The following NAALADL2 variants were observed in gnomAD, a reference collection of about 807,000 sequenced individuals.
NAALADL2 encodes the protein N-acetylated alpha-linked acidic dipeptidase like 2, also known as inactive N-acetylated-alpha-linked acidic dipeptidase-like protein 2.
NAALADL2 carries 76 observed loss-of-function variants against 87.2 expected under a neutral mutation model. That is an observed-to-expected ratio of 0.87 (90% CI 0.72 to 1.05). The LOEUF (loss-of-function observed/expected upper bound fraction) is 1.05, where lower values mean the gene tolerates loss of function less well. NAALADL2 is among the 50% of genes least tolerant of loss of function. NAALADL2 has a pLI of 0.00. For missense variants in NAALADL2, 1,089 were observed against 945.8 expected, an observed-to-expected ratio of 1.15 and a Z score of -1.99; for synonymous variants, 354 against 331.0, an observed-to-expected ratio of 1.07 and a Z score of -0.75.
At chr3:174,652,592 A>T (rs1486770668) in intron 2 of NAALADL2, among the ~76,000 whole-genome samples, 2 of 152,106 alleles carry the variant, frequency 1.3e-5, no homozygotes, top group Non-Finnish European at 2.9e-5. Context: ...CTATCACGAG[A>T]ACAGTATGGG....
intron 3 of NAALADL2, among the ~76,000 whole-genome samples, chr3:174,828,679 T>C (rs1051811733): frequency 2.0e-5 from 3 of 152,216 alleles, no homozygotes; most frequent in Admixed American, 6.5e-5. Context: ...AATAGCTGTT[T>C]TCTGGTTCCT....
At chr3:174,613,139 A>G (rs2108646159) in intron 2 of NAALADL2, among the ~76,000 whole-genome samples, 1 of 152,294 alleles carries the variant, frequency 6.6e-6, no homozygotes, top group South Asian at 2.1e-4. Context: ...CTCCCCATCA[A>G]ATGGAGCTTT....
At chr3:175,711,102 G>T (rs1253776237) in intron 11 of NAALADL2, among the ~76,000 whole-genome samples, 1 of 151,820 alleles carries the variant, frequency 6.6e-6, no homozygotes, top group Non-Finnish European at 1.5e-5. Flanking sequence ...GTGCTAAAAA[G>T]AAAATATTTC....
chr3:174,762,522 A>G (rs1268201175), intron 3 of NAALADL2, among the ~76,000 whole-genome samples: 2 of 151,642 alleles, frequency 1.3e-5, no homozygotes, highest in Non-Finnish European at 2.9e-5. Flanking sequence ...ATTCCATTAA[A>G]TTAGCTCCTT....
intron 10 of NAALADL2, among the ~76,000 whole-genome samples, chr3:175,610,726 T>C (rs1724517601): frequency 6.6e-6 from 1 of 152,140 alleles, no homozygotes; most frequent in Non-Finnish European, 1.5e-5. Flanking sequence ...TGAACATGTT[T>C]ATCAGTGTAT....
At chr3:175,192,390 G>C (rs989761465) in intron 2 of NAALADL2, among the ~76,000 whole-genome samples, 12 of 152,146 alleles carry the variant, frequency 7.9e-5, no homozygotes, top group African/African-American at 2.6e-4. Flanking sequence ...AATAGTATAT[G>C]CTCTACCATT....
At chr3:174,848,828 T>C (rs1724923220) in intron 3 of NAALADL2, among the ~76,000 whole-genome samples, 1 of 152,150 alleles carries the variant, frequency 6.6e-6, no homozygotes, top group African/African-American at 2.4e-5. Flanking sequence ...TTATAGAGTA[T>C]AAAAATATAG....
intron 11 of NAALADL2, among the ~76,000 whole-genome samples, chr3:175,697,799 GTATATATATTTATGTATGTATACA>G (rs1738077563): frequency 2.1e-5 from 3 of 140,178 alleles, no homozygotes; most frequent in Admixed American, 7.4e-5. Flanking sequence ...GTGTATATAT[GTATATATATTTATGTATGTATACA>G]TATATATGTG....
chr3:175,446,599 C>A (rs1200363037), intron 5 of NAALADL2, among the ~76,000 whole-genome samples: 1 of 152,172 alleles, frequency 6.6e-6, no homozygotes, highest in Non-Finnish European at 1.5e-5. Flanking sequence ...TCCCTGTTCA[C>A]TCTCTCACTC....
At chr3:175,615,798 A>C (rs1376153720) in intron 10 of NAALADL2, among the ~76,000 whole-genome samples, 3 of 151,258 alleles carry the variant, frequency 2.0e-5, no homozygotes, top group Admixed American at 1.3e-4. Flanking sequence ...CGGTGGGTGC[A>C]GTGAGCCCAG....
At chr3:175,753,106 T>TA (rs1173563602) in intron 12 of NAALADL2, among the ~76,000 whole-genome samples, 2 of 152,244 alleles carry the variant, frequency 1.3e-5, no homozygotes, top group South Asian at 2.1e-4. Context: ...AACAAGATAA[T>TA]TAATGAATCT....
At chr3:174,755,678 T>G (rs1369980926) in intron 3 of NAALADL2, among the ~76,000 whole-genome samples, 1 of 152,208 alleles carries the variant, frequency 6.6e-6, no homozygotes, top group African/African-American at 2.4e-5. Context: ...ACTATTAGAA[T>G]TTATTTCCTT....
chr3:175,589,261 T>G (rs1721019267), intron 10 of NAALADL2, among the ~76,000 whole-genome samples: 1 of 152,214 alleles, frequency 6.6e-6, no homozygotes, highest in South Asian at 2.1e-4. Flanking sequence ...TAAAATATTA[T>G]ACCAGAAAGC....
chr3:175,028,872 C>G (rs2108901216), intron 1 of NAALADL2, among the ~76,000 whole-genome samples: 1 of 151,770 alleles, frequency 6.6e-6, no homozygotes, highest in African/African-American at 2.4e-5. Context: ...ATGAGTCTCA[C>G]TTCGTAGTGT....
At chr3:174,867,906 T>C (rs1727356108) in intron 1 of NAALADL2, among the ~76,000 whole-genome samples, 1 of 152,072 alleles carries the variant, frequency 6.6e-6, no homozygotes, top group Non-Finnish European at 1.5e-5. Context: ...AGTTCTGTGT[T>C]ACAGTGACTC....
At chr3:175,754,331 G>A (rs1293066962) in intron 12 of NAALADL2, among the ~76,000 whole-genome samples, 9 of 152,090 alleles carry the variant, frequency 5.9e-5, no homozygotes, top group African/African-American at 1.9e-4. Flanking sequence ...AGAGTTCAGC[G>A]GACAACTATA....
intron 1 of NAALADL2, among the ~76,000 whole-genome samples, chr3:174,538,305 C>T (rs549744873): frequency 6.0e-4 from 91 of 152,102 alleles, no homozygotes; most frequent in African/African-American, 2.1e-3. Context: ...AAAATTAGTT[C>T]CAGCCAGGAT....
intron 1 of NAALADL2, among the ~76,000 whole-genome samples, chr3:174,878,278 G>A (rs555902263): frequency 3.3e-5 from 5 of 152,088 alleles, no homozygotes; most frequent in African/African-American, 4.8e-5. Context: ...TGAGAACTCA[G>A]ATGAAAGATT....
intron 1 of NAALADL2, among the ~76,000 whole-genome samples, chr3:174,469,973 G>GT (rs199555535): frequency 4.8e-4 from 73 of 151,400 alleles, no homozygotes; most frequent in African/African-American, 1.4e-3. Context: ...TACTTTGAAA[G>GT]TTTTTTTTTA....
Sources: allele counts gnomAD v4.1 joint callset (sites outside exome capture counted in the v4.1 genomes callset), GRCh38; gene constraint gnomAD v4.1.1; transcripts MANE v1.5; gene names NCBI Gene and HGNC (gene_info 2026-07-23, HGNC 2026-07-21).